The following TMEM106B variants were observed in gnomAD, a reference collection of about 807,000 sequenced individuals.
The protein encoded by TMEM106B is transmembrane protein 106B.
TMEM106B carries 15 observed loss-of-function variants against 31.1 expected under a neutral mutation model. The observed-to-expected ratio is 0.48, with a 90% CI of 0.32 to 0.74. TMEM106B has a LOEUF of 0.74. Among genes scored for constraint, TMEM106B ranks in the 30% least tolerant of loss-of-function variants. TMEM106B has a pLI of 0.03. For synonymous variants in TMEM106B, 126 were observed against 112.5 expected, an observed-to-expected ratio of 1.12 and a Z score of -0.76; for missense variants, 283 against 327.3, an observed-to-expected ratio of 0.86 and a Z score of 1.04.
chr7:12,228,027 T>C (rs35390376), intron 4 of TMEM106B, among the ~76,000 whole-genome samples: 8,551 of 151,972 alleles, frequency 0.056, 335 homozygotes, highest in Middle Eastern at 0.11. Flanking sequence ...AGAAGATCCA[T>C]TGACCTCAAA....
At chr7:12,226,900 C>T (rs1781912420) in intron 4 of TMEM106B, among the ~76,000 whole-genome samples, 1 of 147,152 alleles carries the variant, frequency 6.8e-6, no homozygotes, top group South Asian at 2.2e-4. Context: ...GAACAAGGAA[C>T]ATATTTTCTT....
Position 12,232,034 on chromosome 7 carries a change from T to C in TMEM106B, c.*59T>C. ...CTATTGATATTTCCTATACTCTCAATGAAGAGGTATTTCCTAATAGGAGAC... is the reference window on the plus strand; with the variant it reads ...CTATTGATATTTCCTATACTCTCAACGAAGAGGTATTTCCTAATAGGAGAC... On this transcript the variant is annotated 3_prime_UTR_variant, in exon 8 of 8. Transcript: ENST00000396668. 1 of 1,523,064 alleles carries C rather than the reference T, an allele frequency of 6.6e-7. No homozygotes were observed. Among genetic ancestry groups the C allele is most frequent in the East Asian group, 2.3e-5 (1 of 43,034 alleles). 94.3% of individuals were successfully genotyped at this position (1,523,064 alleles called of 1,614,324 possible).
intron 1 of TMEM106B, among the ~76,000 whole-genome samples, chr7:12,212,738 A>G (rs993522277): frequency 2.0e-5 from 3 of 152,190 alleles, no homozygotes; most frequent in Non-Finnish European, 4.4e-5. Flanking sequence ...AGCAACACAC[A>G]TTGTACCCAC....
At position 12,238,786 on chromosome 7, in the gene TMEM106B, A is replaced by G. The variant is rs554984050; in HGVS notation, c.*6811A>G. The G allele has an allele frequency of 1.4e-4, 22 of 151,820 alleles. No homozygotes were observed. Among genetic ancestry groups the G allele is most frequent in the African/African-American group, 4.3e-4 (18 of 41,526 alleles). The allele number at this position is 151,820 out of a possible 1,614,324, so 9.4% of individuals were successfully genotyped here. A position where few individuals can be genotyped will look rare whatever the true frequency, so the allele number is the denominator to read the frequency against. On this transcript the variant is annotated 3_prime_UTR_variant, in exon 8 of 8. Coordinates refer to ENST00000396668, the MANE Select transcript of TMEM106B (RefSeq NM_001134232.2). Reference sequence around the variant, plus strand: ...TTTTTTTTCCAAGCAGGTCTCAACAATGGGCTTAAAATATTCAGTGAACCG... The same window carrying G: ...TTTTTTTTCCAAGCAGGTCTCAACAGTGGGCTTAAAATATTCAGTGAACCG...
At chr7:12,213,276 A>AAT (rs1781616455) in intron 1 of TMEM106B, among the ~76,000 whole-genome samples, 1 of 151,656 alleles carries the variant, frequency 6.6e-6, no homozygotes. Context: ...CATAATTTTA[A>AAT]CTGTCAACTG....
Position 12,241,180 on chromosome 7 carries a change from G to A in TMEM106B, c.*9205G>A, listed in dbSNP as rs560856549. The A allele has an allele frequency of 6.6e-6, 1 of 152,004 alleles. No individual in the cohort carries two copies. The highest frequency in any genetic ancestry group is 1.5e-5 in the Non-Finnish European group (1 of 68,002). 9.4% of individuals were successfully genotyped at this position (152,004 alleles called of 1,614,324 possible). A position where few individuals can be genotyped will look rare whatever the true frequency, so the allele number is the denominator to read the frequency against. On this transcript the variant is annotated 3_prime_UTR_variant, in exon 8 of 8. Transcript: ENST00000396668. ...TCATGAATGGAATATATTGATAATA[G>A]CATTTTTTAAGTTGCCCCAAAAAGA... is the stretch of plus-strand genomic sequence containing the variant.
Position 12,232,088 on chromosome 7 carries a change from C to A in TMEM106B, c.*113C>A. 1 of 975,130 alleles carries A rather than the reference C, an allele frequency of 1.0e-6. No homozygotes were observed. The highest frequency in any genetic ancestry group is 1.5e-6 in the Non-Finnish European group (1 of 682,578). The allele number at this position is 975,130 out of a possible 1,614,324, so 60.4% of individuals were successfully genotyped here. On this transcript the variant is annotated 3_prime_UTR_variant, in exon 8 of 8. Coordinates refer to ENST00000396668, the MANE Select transcript of TMEM106B (RefSeq NM_001134232.2). ...AAATTGAACAAACCTAAAGTTTACA[C>A]TTCTAAGAGTACAGTTAAAAGTATG...
intron 3 of TMEM106B, among the ~76,000 whole-genome samples, chr7:12,223,323 T>C (rs1269029030): frequency 6.8e-6 from 1 of 146,658 alleles, no homozygotes; most frequent in Non-Finnish European, 1.5e-5. Flanking sequence ...GAATCATTGA[T>C]GAGCCATGTG....
rs1782209334 is a variant in TMEM106B at position 12,239,895 on chromosome 7, C to A, written c.*7920C>A. Reference sequence around the variant, plus strand: ...TATTGCAAAAATTACCAAAATGCGACAGAGACATGAAATGAGAACATGCTG... The same window carrying A: ...TATTGCAAAAATTACCAAAATGCGAAAGAGACATGAAATGAGAACATGCTG... On this transcript the variant is annotated 3_prime_UTR_variant, in exon 8 of 8. Coordinates refer to ENST00000396668, the MANE Select transcript of TMEM106B (RefSeq NM_001134232.2). The A allele has an allele frequency of 6.6e-6, 1 of 152,002 alleles. No homozygotes were observed. Among genetic ancestry groups the A allele is most frequent in the African/African-American group, 2.4e-5 (1 of 41,376 alleles). The allele number at this position is 152,002 out of a possible 1,614,324, so 9.4% of individuals were successfully genotyped here. A position where few individuals can be genotyped will look rare whatever the true frequency, so the allele number is the denominator to read the frequency against.
intron 1 of TMEM106B, among the ~76,000 whole-genome samples, chr7:12,213,954 C>T (rs1307893980): frequency 6.6e-6 from 1 of 152,108 alleles, no homozygotes; most frequent in Admixed American, 6.6e-5. Flanking sequence ...ACCTTCCTCT[C>T]TTTGGAATTC....
intron 4 of TMEM106B, among the ~76,000 whole-genome samples, chr7:12,225,373 G>T (rs1478703858): frequency 6.6e-6 from 1 of 152,026 alleles, no homozygotes; most frequent in Non-Finnish European, 1.5e-5. Context: ...TAATCCTTTG[G>T]GTATATACCC....
At chr7:12,229,560 G>A (rs959411249) in intron 4 of TMEM106B, 119 bp from the exon 5 acceptor site, 17 of 802,040 alleles carry the variant, frequency 2.1e-5, no homozygotes, top group Admixed American at 1.1e-4. Context: ...TGACATTTTG[G>A]TATTACTTTC....
chr7:12,212,730 C>T (rs919685461), intron 1 of TMEM106B, among the ~76,000 whole-genome samples: 5 of 152,112 alleles, frequency 3.3e-5, no homozygotes, highest in Admixed American at 3.3e-4. Flanking sequence ...AGCACTGGAG[C>T]AACACACATT....
chr7:12,214,062 T>C (rs1018736693), intron 1 of TMEM106B: 4 of 152,126 alleles, frequency 2.6e-5, no homozygotes, highest in Non-Finnish European at 5.9e-5. Context: ...GACTCTAATA[T>C]AGAATCACTC....
chr7:12,243,246 T>A lies in TMEM106B; in HGVS notation c.*11271T>A, dbSNP rs1014699401. 1 of 152,128 alleles carries A rather than the reference T, an allele frequency of 6.6e-6. No homozygotes were observed. Among genetic ancestry groups the A allele is most frequent in the African/African-American group, 2.4e-5 (1 of 41,444 alleles). 9.4% of individuals were successfully genotyped at this position (152,128 alleles called of 1,614,324 possible). Reference sequence around the variant, plus strand: ...ACTACTATAAGTCAACCTCACATTTTAATGTATGAAGAAGATTGTATGAAC... The same window carrying A: ...ACTACTATAAGTCAACCTCACATTTAAATGTATGAAGAAGATTGTATGAAC... On this transcript the variant is annotated 3_prime_UTR_variant, in exon 8 of 8. Transcript: ENST00000396668.
In TMEM106B at chr7:12,238,674, G is replaced by A. The variant is rs1477505531; in HGVS notation, c.*6699G>A. ...GAATGCACGTTGTGTTAAGAGGCAT[G>A]AAAACAACATTAATCTATTTGTACA... On this transcript the variant is annotated 3_prime_UTR_variant, in exon 8 of 8. Transcript: ENST00000396668. 5 of 152,170 alleles carry A rather than the reference G, an allele frequency of 3.3e-5. No individual in the cohort carries two copies. Among genetic ancestry groups the A allele is most frequent in the Admixed American group, 3.3e-4 (5 of 15,260 alleles). 9.4% of individuals were successfully genotyped at this position (152,170 alleles called of 1,614,324 possible).
chr7:12,214,267 T>C (rs2043538), intron 1 of TMEM106B: 49,339 of 152,230 alleles, frequency 0.32, 8,261 homozygotes, highest in East Asian at 0.53. Context: ...ATAAGAGACA[T>C]TTACAAACTA....
chr7:12,215,732 A>C (rs1380950184), intron 2 of TMEM106B: 4 of 218,820 alleles, frequency 1.8e-5, no homozygotes, highest in Non-Finnish European at 3.2e-5. Context: ...TAATATTTTT[A>C]ATTCATTATC....
chr7:12,217,533 A>G (rs545111462), intron 2 of TMEM106B, among the ~76,000 whole-genome samples: 28 of 152,298 alleles, frequency 1.8e-4, no homozygotes, highest in African/African-American at 6.3e-4. Flanking sequence ...TTCTGTGTCC[A>G]TGTTTAGCTC....
Sources: gnomAD v4.1 joint callset for allele counts (sites outside exome capture counted in the v4.1 genomes callset) on GRCh38, gnomAD v4.1.1 for gene constraint, MANE v1.5 for transcripts, NCBI Gene and HGNC (gene_info 2026-07-23, HGNC 2026-07-21) for gene names.